The following SCLT1 variants were observed in gnomAD, a reference collection of about 807,000 sequenced individuals.
SCLT1 encodes the protein sodium channel and clathrin linker 1.
In SCLT1, 78 loss-of-function variants were observed where a neutral mutation model predicts 112.8. That is an observed-to-expected ratio of 0.69 (90% CI 0.58 to 0.83). The LOEUF is 0.83. Ranked by LOEUF, SCLT1 falls within the 40% of genes least tolerant of loss-of-function variation. SCLT1 has a pLI of 0.00. For synonymous variants in SCLT1, 257 were observed against 254.7 expected, an observed-to-expected ratio of 1.01 and a Z score of -0.09; for missense variants, 747 against 770.4, an observed-to-expected ratio of 0.97 and a Z score of 0.36.
chr4:129,002,518 TG>T (rs1743593662), intron 6 of SCLT1, among the ~76,000 whole-genome samples: 4 of 152,032 alleles, frequency 2.6e-5, no homozygotes, highest in Admixed American at 2.0e-4. Flanking sequence ...AGAGAAATAA[TG>T]GATTTTTTCC....
chr4:128,910,392 T>C (rs1290221067), intron 18 of SCLT1, among the ~76,000 whole-genome samples: 2 of 152,242 alleles, frequency 1.3e-5, no homozygotes, highest in African/African-American at 4.8e-5. Context: ...TTTGCATCGA[T>C]ACTTTTGTGA....
intron 18 of SCLT1, among the ~76,000 whole-genome samples, chr4:128,899,215 C>A (rs377060096): frequency 6.6e-6 from 1 of 151,990 alleles, no homozygotes; most frequent in South Asian, 2.1e-4. Flanking sequence ...GGCAGAGACA[C>A]AACAAAAAAA....
chr4:129,032,755 G>A (rs1191423060), intron 5 of SCLT1, among the ~76,000 whole-genome samples: 2 of 151,590 alleles, frequency 1.3e-5, no homozygotes, highest in Non-Finnish European at 3.0e-5. Flanking sequence ...CTGGTCATTA[G>A]AGAAATGCGA....
chr4:128,920,412 C>A (rs1735791724), intron 18 of SCLT1, among the ~76,000 whole-genome samples: 1 of 152,188 alleles, frequency 6.6e-6, no homozygotes, highest in African/African-American at 2.4e-5. Context: ...ATACATCAGC[C>A]TCCCCAATAG....
At chr4:128,992,410 T>C (rs73847343) in intron 8 of SCLT1, among the ~76,000 whole-genome samples, 173 bp from the exon 9 acceptor site, 3,009 of 152,038 alleles carry the variant, frequency 0.02, 106 homozygotes, top group African/African-American at 0.065. Flanking sequence ...TACTACTTCA[T>C]TGGATACCTG....
chr4:129,005,121 T>C, intron 5 of SCLT1, among the ~76,000 whole-genome samples: 1 of 152,142 alleles, frequency 6.6e-6, no homozygotes, highest in East Asian at 1.9e-4. Context: ...TGACATACTG[T>C]ATTGCTAATA....
intron 18 of SCLT1, among the ~76,000 whole-genome samples, chr4:128,909,776 T>C (rs765610732): frequency 1.4e-4 from 22 of 152,144 alleles, no homozygotes; most frequent in Non-Finnish European, 2.9e-4. Context: ...TTTTGGTTTA[T>C]TGGGGTGGTT....
At chr4:128,878,105 A>G (rs186404613) in intron 3 of SCLT1, among the ~76,000 whole-genome samples, 6 of 152,342 alleles carry the variant, frequency 3.9e-5, no homozygotes, top group East Asian at 3.9e-4. Context: ...ATATCTTAAC[A>G]CTAAATTAAA....
intron 5 of SCLT1, chr4:129,036,810 TA>T (rs1747217414): frequency 6.6e-6 from 1 of 151,374 alleles, no homozygotes; most frequent in South Asian, 2.1e-4. Flanking sequence ...AAAATAAAAA[TA>T]AATATAATCA....
downstream of SCLT1, among the ~76,000 whole-genome samples, chr4:128,880,829 G>A (rs537936463): frequency 2.6e-5 from 4 of 152,140 alleles, no homozygotes; most frequent in South Asian, 2.1e-4. Flanking sequence ...AGTATGTTTC[G>A]CAATCTTCTT....
intron 5 of SCLT1, among the ~76,000 whole-genome samples, chr4:129,013,297 T>C (rs1315134894): frequency 3.3e-5 from 5 of 152,208 alleles, no homozygotes. Context: ...AATTGAGGCA[T>C]TTAGCCCATT....
At chr4:128,931,279 A>G (rs1366245722) in intron 18 of SCLT1, among the ~76,000 whole-genome samples, 2 of 152,186 alleles carry the variant, frequency 1.3e-5, no homozygotes, top group African/African-American at 2.4e-5. Flanking sequence ...AGCAGCAAAG[A>G]GCAAATCAGA....
intron 17 of SCLT1, among the ~76,000 whole-genome samples, chr4:128,939,144 C>T (rs1175938768): frequency 6.6e-6 from 1 of 152,138 alleles, no homozygotes; most frequent in Non-Finnish European, 1.5e-5. Context: ...ATAACCTGGT[C>T]CCTGCTTACT....
chr4:128,999,102 TCCA>T lies in SCLT1; in HGVS notation c.549+567_549+569del, dbSNP rs1488145795. Among the ~76,000 whole-genome samples, 3 of 152,000 alleles carry T rather than the reference TCCA, an allele frequency of 2.0e-5. No individual in the cohort carries two copies. In the South Asian group the frequency reaches 6.2e-4, roughly 31 times the overall value. On this transcript the variant is annotated intron_variant, in intron 7 of 20. Transcript: ENST00000281142. Reference sequence around the variant, plus strand: ...GTAAAGCAAAAGCTAAAGCTAGATGTCCACTTTGAAAGAGTGTAGAATGATTCT... The same window carrying T: ...GTAAAGCAAAAGCTAAAGCTAGATGTCTTTGAAAGAGTGTAGAATGATTCT...
intron 4 of SCLT1, among the ~76,000 whole-genome samples, chr4:129,043,027 C>T (rs1264880759): frequency 2.6e-5 from 4 of 151,808 alleles, no homozygotes; most frequent in Non-Finnish European, 4.4e-5. Flanking sequence ...GAGCCGAGAT[C>T]GCGCCACTGC....
At chr4:129,040,042 T>G in intron 4 of SCLT1, 1 of 614,326 alleles carries the variant, frequency 1.6e-6, no homozygotes, top group Non-Finnish European at 3.0e-6. Flanking sequence ...GAGAGAAGCT[T>G]ATCCTGGAGT....
chr4:128,932,785 G>A (rs944481799), intron 18 of SCLT1, among the ~76,000 whole-genome samples: 1 of 152,082 alleles, frequency 6.6e-6, no homozygotes, highest in African/African-American at 2.4e-5. Context: ...AATATCAGTA[G>A]CATTTTCCAT....
At chr4:129,075,607 C>A (rs1334357143) in intron 2 of SCLT1, among the ~76,000 whole-genome samples, 1 of 152,094 alleles carries the variant, frequency 6.6e-6, no homozygotes, top group East Asian at 1.9e-4. Flanking sequence ...ATAAAACATT[C>A]ATTTCTTCAG....
downstream of SCLT1, among the ~76,000 whole-genome samples, chr4:128,881,157 T>C (rs1732631631): frequency 1.3e-5 from 2 of 152,216 alleles, no homozygotes; most frequent in African/African-American, 4.8e-5. Flanking sequence ...GACAGGTTTT[T>C]ATCTGTAACT....
Sources: gnomAD v4.1 joint callset for allele counts (sites outside exome capture counted in the v4.1 genomes callset) on GRCh38, gnomAD v4.1.1 for gene constraint, MANE v1.5 for transcripts, NCBI Gene and HGNC (gene_info 2026-07-23, HGNC 2026-07-21) for gene names.